Variants in RALGAPA1 observed in about 807,000 individuals in gnomAD.
The protein encoded by RALGAPA1 is ral GTPase-activating protein subunit alpha-1.
A neutral mutation model predicts 269.6 loss-of-function variants in RALGAPA1; 52 were observed. The observed-to-expected ratio is 0.19, with a 90% CI of 0.15 to 0.24. The LOEUF (loss-of-function observed/expected upper bound fraction) is 0.24. RALGAPA1 is among the 10% of genes least tolerant of loss of function. The pLI is 1.00. For missense variants in RALGAPA1, 1,917 were observed against 3,013.9 expected, an observed-to-expected ratio of 0.64 and a Z score of 8.52; for synonymous variants, 817 against 1,008.3, an observed-to-expected ratio of 0.81 and a Z score of 3.60.
chr14:35,778,299 C>T (rs1032620318), intron 1 of RALGAPA1, among the ~76,000 whole-genome samples: 1 of 152,178 alleles, frequency 6.6e-6, no homozygotes, highest in African/African-American at 2.4e-5. Flanking sequence ...AATCCTCCTA[C>T]CTTGGTCTCA....
intron 37 of RALGAPA1, among the ~76,000 whole-genome samples, chr14:35,579,680 T>C (rs1384753103): frequency 6.6e-6 from 1 of 152,040 alleles, no homozygotes; most frequent in South Asian, 2.1e-4. Context: ...TAACATTTAC[T>C]GTGGTAAGAT....
intron 10 of RALGAPA1, among the ~76,000 whole-genome samples, chr14:35,743,355 T>C (rs1194353664): frequency 1.3e-5 from 2 of 152,314 alleles, no homozygotes; most frequent in African/African-American, 4.8e-5. Flanking sequence ...TTGTGGTAGA[T>C]AGGCACTGAC....
At chr14:35,766,267 T>C (rs2074135985) in intron 4 of RALGAPA1, 1 of 816,334 alleles carries the variant, frequency 1.2e-6, no homozygotes, top group South Asian at 1.4e-5. Flanking sequence ...GCAATTGTCT[T>C]GGGTGTACTG....
At chr14:35,770,872 AC>A in intron 4 of RALGAPA1, 69 bp downstream of exon 4, 1 of 530,976 alleles carries the variant, frequency 1.9e-6, no homozygotes, top group East Asian at 3.4e-5. Flanking sequence ...TCAACTAACA[AC>A]CCATTAAAGA....
intron 16 of RALGAPA1, among the ~76,000 whole-genome samples, chr14:35,718,876 G>A (rs1371916733): frequency 1.4e-5 from 2 of 144,392 alleles, no homozygotes; most frequent in Admixed American, 7.0e-5. Context: ...GTCTCACTTT[G>A]TCATCCAGGC....
intron 16 of RALGAPA1, among the ~76,000 whole-genome samples, chr14:35,700,950 A>G (rs1369665012): frequency 6.6e-6 from 1 of 152,184 alleles, no homozygotes; most frequent in Non-Finnish European, 1.5e-5. Context: ...ATAGAAACAG[A>G]AAACAATTTG....
At chr14:35,581,011 T>C (rs77406312) in intron 37 of RALGAPA1, among the ~76,000 whole-genome samples, 8,778 of 152,226 alleles carry the variant, frequency 0.058, 325 homozygotes, top group Middle Eastern at 0.13. Context: ...GACAACCTAA[T>C]GATATCCAAT....
At chr14:35,790,875 A>G (rs971999009) in intron 1 of RALGAPA1, among the ~76,000 whole-genome samples, 1 of 152,180 alleles carries the variant, frequency 6.6e-6, no homozygotes, top group African/African-American at 2.4e-5. Flanking sequence ...CTTAAATGGA[A>G]TAGTAGCGTA....
intron 37 of RALGAPA1, among the ~76,000 whole-genome samples, chr14:35,577,578 G>GTCTAT (rs2139560412): frequency 6.6e-6 from 1 of 152,252 alleles, no homozygotes; most frequent in Admixed American, 6.5e-5. Context: ...AAGCCATTCA[G>GTCTAT]TCTATGGTAT....
chr14:35,667,482 C>T (rs540653926), intron 26 of RALGAPA1, among the ~76,000 whole-genome samples: 62 of 152,268 alleles, frequency 4.1e-4, no homozygotes, highest in East Asian at 2.7e-3. Flanking sequence ...CTTTCCAAAA[C>T]GTAGTCTAAA....
chr14:35,622,078 G>A (rs573965951), intron 35 of RALGAPA1, among the ~76,000 whole-genome samples: 5 of 152,020 alleles, frequency 3.3e-5, no homozygotes, highest in East Asian at 1.9e-4. Flanking sequence ...TGTTTACTGC[G>A]GCACTATTCA....
chr14:35,624,919 G>A (rs2060895806), intron 35 of RALGAPA1, among the ~76,000 whole-genome samples: 1 of 151,956 alleles, frequency 6.6e-6, no homozygotes, highest in South Asian at 2.1e-4. Context: ...AGCCAGGCGC[G>A]GTGGCTCACG....
At chr14:35,604,974 T>C (rs182424896) in intron 36 of RALGAPA1, among the ~76,000 whole-genome samples, 14 of 152,236 alleles carry the variant, frequency 9.2e-5, no homozygotes, top group Admixed American at 7.9e-4. Flanking sequence ...TACAGGAACC[T>C]TGACATGGGT....
chr14:35,691,451 C>CT (rs2066475311), intron 17 of RALGAPA1, among the ~76,000 whole-genome samples: 1 of 152,118 alleles, frequency 6.6e-6, no homozygotes, highest in Admixed American at 6.5e-5. Flanking sequence ...GCTGTTGCTA[C>CT]TTATTAGGCT....
At chr14:35,650,216 T>A (rs2062726556) in intron 31 of RALGAPA1, among the ~76,000 whole-genome samples, 1 of 150,026 alleles carries the variant, frequency 6.7e-6, no homozygotes, top group Non-Finnish European at 1.5e-5. Context: ...CCCCGACACA[T>A]CTCTACTAAA....
Position 35,689,354 on chromosome 14 carries a change from A to G in RALGAPA1, c.3057T>C (p.Asn1019=). ...AACTGTCTGACTGGTTAGGTGCGAT[A>G]TTACTCATGAAGACAGCTGAGTTTG... The part of the protein sequence containing the change: ...KEPNSAVFMS[N]IAPNQSDSFF... Residue 1019 remains asparagine, a synonymous_variant, in exon 18 of 42, where the codon AAT becomes AAC. Transcript: ENST00000680220. 1 of 1,232,294 alleles carries G rather than the reference A, an allele frequency of 8.1e-7. No homozygotes were observed. Among genetic ancestry groups the G allele is most frequent in the Non-Finnish European group, 1.0e-6 (1 of 988,098 alleles). The allele number at this position is 1,232,294 out of a possible 1,614,324, so 76.3% of individuals were successfully genotyped here.
chr14:35,683,704 C>T (rs1655968664), intron 21 of RALGAPA1, 105 bp downstream of exon 21: 6 of 849,526 alleles, frequency 7.1e-6, no homozygotes, highest in Middle Eastern at 3.8e-4. Context: ...AAAAAATATA[C>T]TTAAATAGTA....
intron 1 of RALGAPA1, among the ~76,000 whole-genome samples, chr14:35,805,207 T>C (rs2077272459): frequency 6.6e-6 from 1 of 151,186 alleles, no homozygotes. Flanking sequence ...GGGGACTGCC[T>C]GAGCTCAGGA....
intron 27 of RALGAPA1, among the ~76,000 whole-genome samples, chr14:35,663,750 C>T (rs1465090873): frequency 2.6e-5 from 4 of 151,980 alleles, no homozygotes; most frequent in Admixed American, 2.0e-4. Flanking sequence ...CCACCATGCC[C>T]GGCTAATTTT....
Sources: gnomAD v4.1 joint callset for allele counts (sites outside exome capture counted in the v4.1 genomes callset) on GRCh38, gnomAD v4.1.1 for gene constraint, MANE v1.5 for transcripts, NCBI Gene and HGNC (gene_info 2026-07-23, HGNC 2026-07-21) for gene names.